The following GRID2 variants were observed in gnomAD, a reference collection of about 807,000 sequenced individuals.
The protein encoded by GRID2 is glutamate ionotropic receptor delta type subunit 2.
In GRID2, 33 loss-of-function variants were observed where a neutral mutation model predicts 114.8. That is an observed-to-expected ratio of 0.29 (90% CI 0.22 to 0.38). The LOEUF is 0.38. Among genes scored for constraint, GRID2 ranks in the 10% least tolerant of loss-of-function variants. GRID2 has a pLI of 1.00. For missense variants in GRID2, 1,184 were observed against 1,257.7 expected (o/e 0.94, Z 0.89); for synonymous variants, 505 against 449.9 (o/e 1.12, Z -1.55).
chr4:92,827,342 TAAAC>T (rs1209600346), intron 2 of GRID2, among the ~76,000 whole-genome samples: 2 of 142,412 alleles, frequency 1.4e-5, no homozygotes, highest in Admixed American at 7.2e-5. Flanking sequence ...ATAATCCACA[TAAAC>T]AAAAACTCTT....
chr4:93,761,292 A>G (rs1172768943), intron 14 of GRID2, among the ~76,000 whole-genome samples: 1 of 152,210 alleles, frequency 6.6e-6, no homozygotes, highest in African/African-American at 2.4e-5. Flanking sequence ...GACTTGCTAT[A>G]TCACTTAAGC....
intron 2 of GRID2, among the ~76,000 whole-genome samples, chr4:92,921,841 G>A (rs1002251623): frequency 6.6e-5 from 10 of 152,220 alleles, no homozygotes; most frequent in Admixed American, 1.3e-4. Flanking sequence ...ATCTCCAACT[G>A]CATGCTGGGA....
At chr4:93,179,197 T>TC (rs1739650055) in intron 4 of GRID2, among the ~76,000 whole-genome samples, 1 of 152,186 alleles carries the variant, frequency 6.6e-6, no homozygotes, top group South Asian at 2.1e-4. Context: ...CACATTTTTT[T>TC]CCCACATAAA....
chr4:93,450,560 A>C (rs887327783), intron 10 of GRID2, among the ~76,000 whole-genome samples: 6 of 151,762 alleles, frequency 4.0e-5, no homozygotes, highest in Admixed American at 1.3e-4. Flanking sequence ...TTTAGAGTAA[A>C]TGTATTTCAA....
chr4:93,595,270 G>T (rs1264124000), intron 13 of GRID2, among the ~76,000 whole-genome samples: 4 of 152,106 alleles, frequency 2.6e-5, no homozygotes, highest in Non-Finnish European at 5.9e-5. Flanking sequence ...ACACCTTATC[G>T]TGGGTACATT....
At chr4:92,933,791 T>G (rs1375059177) in intron 2 of GRID2, among the ~76,000 whole-genome samples, 4 of 151,680 alleles carry the variant, frequency 2.6e-5, no homozygotes, top group African/African-American at 9.7e-5. Context: ...TTCTTTTCCT[T>G]GCTGTTTTCT....
At chr4:92,336,958 T>TG (rs1727211706) in intron 1 of GRID2, among the ~76,000 whole-genome samples, 2 of 148,566 alleles carry the variant, frequency 1.3e-5, no homozygotes, top group Non-Finnish European at 1.5e-5. Flanking sequence ...GTTGTTGTTT[T>TG]TTTTTTTTTT....
intron 14 of GRID2, among the ~76,000 whole-genome samples, chr4:93,657,005 TG>T (rs1723083576): frequency 6.6e-6 from 1 of 152,002 alleles, no homozygotes; most frequent in African/African-American, 2.4e-5. Context: ...GATGGTTTAC[TG>T]CCCTAGAGGG....
At chr4:92,943,163 G>T (rs1751310841) in intron 2 of GRID2, among the ~76,000 whole-genome samples, 1 of 152,172 alleles carries the variant, frequency 6.6e-6, no homozygotes, top group African/African-American at 2.4e-5. Context: ...CCTGCAGGGT[G>T]TTTTCCAGCT....
intron 2 of GRID2, among the ~76,000 whole-genome samples, chr4:92,866,145 G>T (rs1744845252): frequency 6.6e-6 from 1 of 152,182 alleles, no homozygotes; most frequent in Admixed American, 6.5e-5. Context: ...GGATATTTGG[G>T]ATAGTGAGAG....
intron 2 of GRID2, among the ~76,000 whole-genome samples, chr4:92,728,727 A>C (rs1300593628): frequency 2.0e-5 from 3 of 152,098 alleles, no homozygotes; most frequent in South Asian, 2.1e-4. Context: ...GTATGATTCC[A>C]AGTCCAAGAA....
At chr4:92,977,192 G>T (rs747225191) in intron 2 of GRID2, among the ~76,000 whole-genome samples, 89 of 152,222 alleles carry the variant, frequency 5.8e-4, no homozygotes, top group Non-Finnish European at 1.0e-3. Context: ...AAGCTAACAA[G>T]GTAATTTGTA....
rs186260624 is a variant in GRID2 at position 92,937,289 on chromosome 4, G to T, written c.245-147706G>T. On this transcript the variant is annotated intron_variant, in intron 2 of 15. Transcript: ENST00000282020. ...AAATCCAAGGTCATAGAGATTTTCC[G>T]CATTCTTTCTTCTAAGAATTTTATA... is the stretch of plus-strand genomic sequence containing the variant. 1.2e-4 allele frequency among the ~76,000 whole-genome samples: 17 copies of T among 146,448 alleles called. 1 individual carries two copies. Among genetic ancestry groups the T allele is most frequent in the Non-Finnish European group, 2.1e-4 (14 of 66,216 alleles).
chr4:92,907,376 T>A (rs1215617818), intron 2 of GRID2, among the ~76,000 whole-genome samples: 1 of 152,124 alleles, frequency 6.6e-6, no homozygotes, highest in Non-Finnish European at 1.5e-5. Flanking sequence ...CTTAGAATAT[T>A]ATCTACCTGT....
intron 13 of GRID2, among the ~76,000 whole-genome samples, chr4:93,589,484 G>C (rs534544769): frequency 3.9e-5 from 6 of 151,908 alleles, no homozygotes; most frequent in Admixed American, 2.0e-4. Flanking sequence ...CCAAGTCTTT[G>C]CTATTGTGAA....
intron 8 of GRID2, among the ~76,000 whole-genome samples, chr4:93,354,475 A>G (rs1257616654): frequency 6.6e-6 from 1 of 151,998 alleles, no homozygotes; most frequent in Non-Finnish European, 1.5e-5. Context: ...AAAGAATCCC[A>G]TAATTCTGGT....
chr4:92,747,194 A>G (rs564619858), intron 2 of GRID2, among the ~76,000 whole-genome samples: 1 of 152,180 alleles, frequency 6.6e-6, no homozygotes, highest in East Asian at 1.9e-4. Flanking sequence ...GCAAAACAAT[A>G]AGACAGGTTA....
At chr4:92,986,472 T>C (rs950545242) in intron 2 of GRID2, among the ~76,000 whole-genome samples, 1 of 152,120 alleles carries the variant, frequency 6.6e-6, no homozygotes, top group African/African-American at 2.4e-5. Flanking sequence ...TTGGTCATGG[T>C]AGGCACAGGA....
chr4:93,116,070 G>A (rs1051614761), intron 4 of GRID2, among the ~76,000 whole-genome samples: 1 of 152,060 alleles, frequency 6.6e-6, no homozygotes, highest in Non-Finnish European at 1.5e-5. Context: ...TTTACTTCAT[G>A]TCCTTCACCT....
Sources: allele counts gnomAD v4.1 joint callset (sites outside exome capture counted in the v4.1 genomes callset), GRCh38; gene constraint gnomAD v4.1.1; transcripts MANE v1.5; gene names NCBI Gene and HGNC (gene_info 2026-07-23, HGNC 2026-07-21).